Variants in EBF1 observed in about 807,000 individuals in gnomAD.
The protein encoded by EBF1 is EBF transcription factor 1.
A neutral mutation model predicts 68.4 loss-of-function variants in EBF1; 10 were observed. That is an observed-to-expected ratio of 0.15 (90% CI 0.09 to 0.25). The LOEUF is 0.25. EBF1 is among the 10% of genes least tolerant of loss of function. The pLI, the probability that EBF1 is intolerant of heterozygous loss-of-function variation, is 1.00. For missense variants in EBF1, 509 were observed against 794.4 expected, an observed-to-expected ratio of 0.64 and a Z score of 4.32; for synonymous variants, 298 against 299.8, an observed-to-expected ratio of 0.99 and a Z score of 0.06.
At chr5:158,808,605 T>C (rs1263041286) in intron 8 of EBF1, among the ~76,000 whole-genome samples, 2 of 152,096 alleles carry the variant, frequency 1.3e-5, no homozygotes, top group East Asian at 1.9e-4. Context: ...ACCACTTTAA[T>C]TGAGGACAAT....
At chr5:158,754,300 G>A (rs1453725427) in intron 10 of EBF1, among the ~76,000 whole-genome samples, 1 of 152,078 alleles carries the variant, frequency 6.6e-6, no homozygotes, top group East Asian at 1.9e-4. Flanking sequence ...CTTTGGTGTT[G>A]GTGAAAGGCC....
intron 10 of EBF1, among the ~76,000 whole-genome samples, chr5:158,776,723 C>T (rs978482946): frequency 6.6e-6 from 1 of 152,154 alleles, no homozygotes; most frequent in Non-Finnish European, 1.5e-5. Flanking sequence ...CCTAGACCTA[C>T]TGTAGCAGAA....
intron 8 of EBF1, among the ~76,000 whole-genome samples, chr5:158,812,808 T>C (rs988312184): frequency 1.1e-4 from 16 of 152,164 alleles, no homozygotes; most frequent in African/African-American, 3.9e-4. Context: ...TCTCTCCTGA[T>C]GCAAGTCCTC....
intron 6 of EBF1, among the ~76,000 whole-genome samples, chr5:158,868,342 A>C (rs1796298597): frequency 6.6e-6 from 1 of 152,060 alleles, no homozygotes; most frequent in African/African-American, 2.4e-5. Context: ...AAAAAAAATC[A>C]CTCAAAAATT....
intron 6 of EBF1, among the ~76,000 whole-genome samples, chr5:159,043,487 T>A (rs1771676128): frequency 6.6e-6 from 1 of 152,352 alleles, no homozygotes; most frequent in East Asian, 1.9e-4. Flanking sequence ...TACAACAGTC[T>A]TCGCTTGGTA....
chr5:158,880,699 TA>T (rs1798750258), intron 6 of EBF1, among the ~76,000 whole-genome samples: 1 of 152,184 alleles, frequency 6.6e-6, no homozygotes, highest in Non-Finnish European at 1.5e-5. Context: ...CCGATTTAAA[TA>T]AGAACGGTGT....
intron 6 of EBF1, among the ~76,000 whole-genome samples, chr5:159,061,681 C>G (rs776216825): frequency 6.6e-6 from 1 of 151,964 alleles, no homozygotes; most frequent in Non-Finnish European, 1.5e-5. Flanking sequence ...CGAAACATGG[C>G]TCAAGAAGCT....
At chr5:159,005,104 C>T (rs1420323146) in intron 6 of EBF1, among the ~76,000 whole-genome samples, 5 of 152,140 alleles carry the variant, frequency 3.3e-5, no homozygotes, top group East Asian at 3.8e-4. Flanking sequence ...TGGAATCTGC[C>T]GGGGCTAGAC....
chr5:159,060,969 CACAT>C (rs965959618), intron 6 of EBF1, among the ~76,000 whole-genome samples: 3 of 148,010 alleles, frequency 2.0e-5, no homozygotes, highest in Non-Finnish European at 3.0e-5. Flanking sequence ...CACACACACA[CACAT>C]ACCCCTCAGC....
At chr5:158,999,221 A>G (rs1762039960) in intron 6 of EBF1, among the ~76,000 whole-genome samples, 1 of 152,202 alleles carries the variant, frequency 6.6e-6, no homozygotes, top group South Asian at 2.1e-4. Context: ...TAATGCCCCA[A>G]AAACAGAAAA....
At chr5:159,016,938 A>T (rs1379619804) in intron 6 of EBF1, among the ~76,000 whole-genome samples, 1 of 152,356 alleles carries the variant, frequency 6.6e-6, no homozygotes, top group East Asian at 1.9e-4. Context: ...CCCAGCTCAA[A>T]TTCTCTAGAG....
At chr5:159,019,758 C>T (rs1766306183) in intron 6 of EBF1, among the ~76,000 whole-genome samples, 1 of 152,144 alleles carries the variant, frequency 6.6e-6, no homozygotes, top group Admixed American at 6.5e-5. Context: ...GAGTTTCTTT[C>T]ACGCCAGTGG....
chr5:158,727,734 T>A (rs1289565885), intron 11 of EBF1, among the ~76,000 whole-genome samples: 3 of 152,232 alleles, frequency 2.0e-5, no homozygotes, highest in Non-Finnish European at 4.4e-5. Context: ...AGGATTCCGC[T>A]TGCTCCCGTT....
intron 6 of EBF1, among the ~76,000 whole-genome samples, chr5:159,002,559 C>T (rs1317675430): frequency 1.3e-5 from 2 of 152,096 alleles, no homozygotes; most frequent in African/African-American, 4.8e-5. Flanking sequence ...TCCTATTTTC[C>T]AGGCTTATGT....
intron 9 of EBF1, among the ~76,000 whole-genome samples, chr5:158,794,501 C>A (rs1192477056): frequency 6.6e-6 from 1 of 152,112 alleles, no homozygotes; most frequent in Non-Finnish European, 1.5e-5. Context: ...CCTGATGTGT[C>A]CTTATTCCAT....
At chr5:158,856,115 G>A (rs1793953291) in intron 6 of EBF1, among the ~76,000 whole-genome samples, 1 of 152,208 alleles carries the variant, frequency 6.6e-6, no homozygotes, top group Non-Finnish European at 1.5e-5. Flanking sequence ...ATTCTTCTCT[G>A]AGTTTTCATC....
intron 7 of EBF1, among the ~76,000 whole-genome samples, chr5:158,830,181 A>G (rs1215510408): frequency 6.6e-6 from 1 of 152,204 alleles, no homozygotes; most frequent in Non-Finnish European, 1.5e-5. Context: ...TAAAAAAACA[A>G]CTTCAAGATC....
intron 6 of EBF1, among the ~76,000 whole-genome samples, chr5:158,997,508 A>C (rs1217916460): frequency 2.0e-5 from 3 of 152,166 alleles, no homozygotes; most frequent in Admixed American, 6.5e-5. Context: ...CTCAATGCAT[A>C]AATTAAGCTG....
At chr5:158,892,985 T>A (rs1049442748) in intron 6 of EBF1, among the ~76,000 whole-genome samples, 2 of 147,826 alleles carry the variant, frequency 1.4e-5, no homozygotes, top group African/African-American at 2.5e-5. Flanking sequence ...GTTTCTTCTT[T>A]GCTGATCTTT....
Sources: allele counts gnomAD v4.1 joint callset (sites outside exome capture counted in the v4.1 genomes callset), GRCh38; gene constraint gnomAD v4.1.1; transcripts MANE v1.5; gene names NCBI Gene and HGNC (gene_info 2026-07-23, HGNC 2026-07-21).